BRD9: variants seen among roughly 807,000 people sequenced by gnomAD.
BRD9 encodes bromodomain-containing protein 9.
Under a neutral mutation model 68.7 loss-of-function variants are expected in BRD9, and 47 were observed. The ratio of observed to expected loss-of-function variants is 0.68; its 90% CI spans 0.54 to 0.87. The LOEUF (loss-of-function observed/expected upper bound fraction) is 0.87, where lower values mean the gene tolerates loss of function less well. BRD9 is among the 40% of genes least tolerant of loss of function. The pLI, the probability that BRD9 is intolerant of heterozygous loss-of-function variation, is 0.00. For synonymous variants in BRD9, 313 were observed against 293.9 expected (o/e 1.06, Z -0.67); for missense variants, 670 against 748.4 (o/e 0.90, Z 1.22).
chr5:883,924 C>T lies in BRD9; in HGVS notation c.966+14G>A. 6.2e-7 allele frequency: 1 copy of T among 1,607,966 alleles called. No homozygotes were observed. The highest frequency in any genetic ancestry group is 1.7e-5 in the Admixed American group (1 of 59,850). Reference sequence around the variant, plus strand: ...GCCACGTGGCACCCTCTCTCGGTGGCCACAGAGCACTACCTTGCCGCCTGG... The same window carrying T: ...GCCACGTGGCACCCTCTCTCGGTGGTCACAGAGCACTACCTTGCCGCCTGG... On this transcript the variant is annotated intron_variant, in intron 8 of 15. Coordinates refer to ENST00000467963, the MANE Select transcript of BRD9 (RefSeq NM_023924.5).
At chr5:873,494 C>T (rs1359629233) in intron 12 of BRD9, among the ~76,000 whole-genome samples, 2 of 152,208 alleles carry the variant, frequency 1.3e-5, no homozygotes, top group Non-Finnish European at 2.9e-5. Flanking sequence ...TAAGGCCCTG[C>T]TTGCAGATAC....
Position 891,688 on chromosome 5 carries a change from C to T in BRD9, c.219G>A (p.Lys73=), listed in dbSNP as rs1168936744. The change falls in exon 2 of 16, where the codon AAG becomes AAA. Residue 73 remains lysine (K), a synonymous_variant. Transcript: ENST00000467963. ...HKEKKKKKKK[K]SEKEKHLDDE... The stretch of plus-strand genomic sequence containing the variant: ...CGTCCAGATGCTTCTCCTTCTCGGA[C>T]TTCTTCTTCTTCTTCTTTTTCTTTT... 1.3e-6 allele frequency: 2 copies of T among 1,548,774 alleles called. No homozygotes were observed. Among genetic ancestry groups the T allele is most frequent in the East Asian group, 2.4e-5 (1 of 40,860 alleles).
At chr5:885,223 C>CG (rs1281884918) in intron 7 of BRD9, among the ~76,000 whole-genome samples, 2 of 152,238 alleles carry the variant, frequency 1.3e-5, no homozygotes, top group African/African-American at 4.8e-5. Flanking sequence ...CACACGGCAG[C>CG]GGGGTGGGAA....
intron 12 of BRD9, among the ~76,000 whole-genome samples, chr5:873,716 G>C (rs1750487326): frequency 6.6e-6 from 1 of 152,214 alleles, no homozygotes; most frequent in Admixed American, 6.5e-5. Flanking sequence ...CGGCATGGGT[G>C]TCTGGGTTTA....
intron 8 of BRD9, chr5:883,468 G>A (rs912943139): frequency 2.6e-5 from 12 of 456,170 alleles, no homozygotes; most frequent in South Asian, 1.1e-4. Context: ...AAAGGAGAGC[G>A]TGGTCAGCTG....
chr5:890,332 T>C (rs1292949577), intron 3 of BRD9, among the ~76,000 whole-genome samples: 2 of 152,184 alleles, frequency 1.3e-5, no homozygotes, highest in Non-Finnish European at 2.9e-5. Flanking sequence ...ATCGCAGCAC[T>C]AGCCTCCCCA....
At position 881,350 on chromosome 5, in the gene BRD9, C is replaced by T. The variant is rs1751722865; in HGVS notation, c.967-168G>A. ...CCTGGAATTTCAGACTCACCGGCAA[C>T]AGCAGAGCGCGCACAGGTGCCAAGG... On this transcript the variant is annotated intron_variant, in intron 8 of 15. Coordinates refer to ENST00000467963, the MANE Select transcript of BRD9 (RefSeq NM_023924.5). 2.8e-5 allele frequency: 19 copies of T among 668,380 alleles called. No individual in the cohort carries two copies. The South Asian group carries it at 3.2e-4, about 11-fold the overall frequency. The allele number at this position is 668,380 out of a possible 1,614,324, so 41.4% of individuals were successfully genotyped here.
At position 892,663 on chromosome 5, in the gene BRD9, C is replaced by T; in HGVS notation, c.-6G>A. The T allele has an allele frequency of 7.1e-7, 1 of 1,414,170 alleles. No homozygotes were observed. Among genetic ancestry groups the T allele is most frequent in the Non-Finnish European group, 9.2e-7 (1 of 1,082,078 alleles). 87.6% of individuals were successfully genotyped at this position (1,414,170 alleles called of 1,614,324 possible). A position where few individuals can be genotyped will look rare whatever the true frequency, so the allele number is the denominator to read the frequency against. On this transcript the variant is annotated 5_prime_UTR_variant, in exon 1 of 16. Transcript: ENST00000467963. ...TTCTTGTGCTTCTTGCCCATGGCGGCGCCGGCGGCGGGCCCGAGGCGGGGG... is the reference window on the plus strand; with the variant it reads ...TTCTTGTGCTTCTTGCCCATGGCGGTGCCGGCGGCGGGCCCGAGGCGGGGG...
intron 2 of BRD9, 101 bp from the exon 3 acceptor site, chr5:891,388 G>A (rs1384932809): frequency 5.5e-6 from 8 of 1,460,334 alleles, no homozygotes; most frequent in Middle Eastern, 2.3e-4. Context: ...ACAGAACTAA[G>A]GGAAACCCCC....
intron 15 of BRD9, among the ~76,000 whole-genome samples, 197 bp downstream of exon 15, chr5:865,217 A>G (rs1412965860): frequency 2.0e-5 from 3 of 152,246 alleles, no homozygotes; most frequent in Admixed American, 2.0e-4. Flanking sequence ...CGGCCAGGCC[A>G]GCATCCCAGC....
chr5:867,998 T>C (rs899122840), intron 14 of BRD9, among the ~76,000 whole-genome samples: 2 of 152,210 alleles, frequency 1.3e-5, no homozygotes, highest in Non-Finnish European at 2.9e-5. Flanking sequence ...TCATGTTGAA[T>C]TGTAATTCCC....
At chr5:883,859 C>T (rs1245648035) in intron 8 of BRD9, 79 bp downstream of exon 8, 2 of 1,554,104 alleles carry the variant, frequency 1.3e-6, no homozygotes, top group African/African-American at 2.7e-5. Context: ...CTAGATCACA[C>T]AGCACCAACC....
At chr5:887,634 G>A (rs1380371498) in intron 5 of BRD9, among the ~76,000 whole-genome samples, 163 bp from the exon 6 acceptor site, 1 of 152,210 alleles carries the variant, frequency 6.6e-6, no homozygotes, top group Admixed American at 6.5e-5. Context: ...CTTAAGAGAA[G>A]TTTTCTTAGT....
rs114305747 is a variant in BRD9, at chr5:882,425, T to C, written c.967-1243A>G. On this transcript the variant is annotated intron_variant, in intron 8 of 15. Transcript: ENST00000467963. The stretch of plus-strand genomic sequence containing the variant: ...ACACATGAGCCACGCAGACCACAAC[T>C]TCCCAACACGTGAGCCAAGCAGACA... The C allele has an allele frequency of 7.6e-3, 916 of 120,020 alleles. 6 individuals are homozygous for C. The highest frequency in any genetic ancestry group is 0.03 in the African/African-American group (877 of 29,280). 7.4% of individuals were successfully genotyped at this position (120,020 alleles called of 1,614,324 possible). A position where few individuals can be genotyped will look rare whatever the true frequency, so the allele number is the denominator to read the frequency against.
intron 7 of BRD9, among the ~76,000 whole-genome samples, chr5:885,790 T>C (rs556768678): frequency 2.0e-5 from 3 of 152,336 alleles, no homozygotes; most frequent in East Asian, 1.9e-4. Flanking sequence ...CTGCAGGCTA[T>C]GTTAAGTGCT....
At chr5:880,979 G>T in intron 9 of BRD9, 128 bp downstream of exon 9, 2 of 931,826 alleles carry the variant, frequency 2.1e-6, no homozygotes, top group Non-Finnish European at 3.2e-6. Flanking sequence ...GTGCGAGCAA[G>T]GTCGGGAAGC....
chr5:888,939 G>A, intron 5 of BRD9, 82 bp downstream of exon 5: 2 of 1,421,614 alleles, frequency 1.4e-6, no homozygotes, highest in African/African-American at 1.5e-5. Context: ...AACTAGAAAT[G>A]ATCTAAGGTG....
chr5:885,302 G>A (rs1042477116), intron 7 of BRD9, among the ~76,000 whole-genome samples: 5 of 152,230 alleles, frequency 3.3e-5, no homozygotes, highest in Admixed American at 1.3e-4. Context: ...CTCTGGCCAC[G>A]CAGCGCACCC....
chr5:872,221 C>A (rs1038571368), intron 12 of BRD9, among the ~76,000 whole-genome samples: 1 of 152,232 alleles, frequency 6.6e-6, no homozygotes, highest in Admixed American at 6.5e-5. Flanking sequence ...GATCTTTGTT[C>A]GAAATAATGT....
Sources: allele counts gnomAD v4.1 joint callset (sites outside exome capture counted in the v4.1 genomes callset), GRCh38; gene constraint gnomAD v4.1.1; transcripts MANE v1.5; gene names NCBI Gene and HGNC (gene_info 2026-07-23, HGNC 2026-07-21).